TRMU: variants seen among roughly 807,000 people sequenced by gnomAD.
The protein encoded by TRMU is mitochondrial tRNA-specific 2-thiouridylase 1.
Under a neutral mutation model 46.9 loss-of-function variants are expected in TRMU, and 49 were observed. The ratio of observed to expected loss-of-function variants is 1.05; its 90% CI spans 0.83 to 1.33. The LOEUF (loss-of-function observed/expected upper bound fraction) is 1.33. Ranked by LOEUF, TRMU falls within the 40% of genes most tolerant of loss-of-function variation. TRMU has a pLI of 0.00. For missense variants in TRMU, 572 were observed against 532.4 expected (o/e 1.07, Z -0.73); for synonymous variants, 241 against 200.9 (o/e 1.20, Z -1.69).
At position 46,337,774 on chromosome 22, in the gene TRMU, CG is replaced by C. The variant is rs2078016723; in HGVS notation, c.83-4del. 6.2e-7 allele frequency: 1 copy of C among 1,614,064 alleles called. No homozygotes were observed. The highest frequency in any genetic ancestry group is 8.5e-7 in the Non-Finnish European group (1 of 1,180,040). ...ATTCTCTTTAATTGACCTTCCCGCC[CG>C]CAGGTTACCAGGTGACAGGGGTGTT... On this transcript the variant is annotated splice_polypyrimidine_tract_variant and splice_region_variant and intron_variant, in intron 1 of 10. Transcript: ENST00000645190.
intron 7 of TRMU, chr22:46,353,492 G>C (rs758658490): frequency 2.7e-5 from 11 of 400,690 alleles, no homozygotes; most frequent in African/African-American, 1.9e-4. Context: ...AGGGTCAGGG[G>C]CTCCTACAGC....
rs1432027724 is a variant in TRMU at position 46,351,271 on chromosome 22, A to G, written c.651+808A>G. Among the ~76,000 whole-genome samples the G allele has an allele frequency of 6.6e-6, 1 of 152,134 alleles. No individual in the cohort carries two copies. The highest frequency in any genetic ancestry group is 1.9e-4 in the East Asian group (1 of 5,182). ...TGGCCCCAGCTCCTCAGGAGGATCG[A>G]GCGCACCCAGGAGTTTGAGGACAGC... On this transcript the variant is annotated intron_variant, in intron 5 of 10. Coordinates refer to ENST00000645190, the MANE Select transcript of TRMU (RefSeq NM_018006.5). The surrounding 1 kb of genome is among the most constrained non-coding windows in gnomAD (Gnocchi z 6.4).
intron 8 of TRMU, chr22:46,355,113 G>C: frequency 2.2e-6 from 1 of 456,268 alleles, no homozygotes; most frequent in South Asian, 2.4e-5. Context: ...GGGCCGTGCT[G>C]CTGCCCCACA....
intron 9 of TRMU, 199 bp downstream of exon 9, chr22:46,355,787 C>A: frequency 9.4e-7 from 1 of 1,064,512 alleles, no homozygotes; most frequent in Non-Finnish European, 1.4e-6. Context: ...CAGATGCAGG[C>A]AGGCCCCGGC....
rs2077969964 is a variant in TRMU, at chr22:46,336,129, TGGGGTGGGGA to T, written c.82+287_82+296del. The T allele has an allele frequency of 7.6e-7, 1 of 1,314,158 alleles. No individual in the cohort carries two copies. The highest frequency in any genetic ancestry group is 1.6e-5 in the African/African-American group (1 of 63,634). The allele number at this position is 1,314,158 out of a possible 1,614,324, so 81.4% of individuals were successfully genotyped here. ...ACAGTGAGAAGCCGGCGGGCCGGGG[TGGGGTGGGGA>T]GGGAAGGGTTTCTCACGGATCTGCG... On this transcript the variant is annotated intron_variant, in intron 1 of 10. Transcript: ENST00000645190. This position sits in a 1 kb window ranked among gnomAD's most constrained non-coding sequence, Gnocchi z 4.1.
chr22:46,350,272 T>C lies in TRMU; in HGVS notation c.479-19T>C. 6.2e-7 allele frequency: 1 copy of C among 1,614,180 alleles called. No homozygotes were observed. The highest frequency in any genetic ancestry group is 8.5e-7 in the Non-Finnish European group (1 of 1,179,988). Reference sequence around the variant, plus strand: ...TTATTTTTATTCCTGCATCGTCTTTTGTTCTTTATTCTTGGCAGCGGTAAA... The same window carrying C: ...TTATTTTTATTCCTGCATCGTCTTTCGTTCTTTATTCTTGGCAGCGGTAAA... On this transcript the variant is annotated intron_variant, in intron 4 of 10. Coordinates refer to ENST00000645190, the MANE Select transcript of TRMU (RefSeq NM_018006.5). The surrounding 1 kb of genome is among the most constrained non-coding windows in gnomAD (Gnocchi z 4.6).
chr22:46,346,937 C>G (rs894175640), intron 4 of TRMU, among the ~76,000 whole-genome samples: 7 of 152,270 alleles, frequency 4.6e-5, no homozygotes, highest in African/African-American at 7.2e-5. Context: ...GCGGTTCAGG[C>G]AGACTTTCAA....
rs1345891882 is a variant in TRMU, at chr22:46,357,134, C to A, written c.*128C>A. On this transcript the variant is annotated 3_prime_UTR_variant, in exon 11 of 11. Coordinates refer to ENST00000645190, the MANE Select transcript of TRMU (RefSeq NM_018006.5). ...AGAGGAAGCCGGGCTGGCTGAGGGT[C>A]CGAAAAGCCTGCAGGGGCCCGGCGA... The A allele has an allele frequency of 5.2e-6, 7 of 1,356,178 alleles. No individual in the cohort carries two copies. Among genetic ancestry groups the A allele is most frequent in the Admixed American group, 2.0e-5 (1 of 51,078 alleles). 84.0% of individuals were successfully genotyped at this position (1,356,178 alleles called of 1,614,324 possible). A position where few individuals can be genotyped will look rare whatever the true frequency, so the allele number is the denominator to read the frequency against.
chr22:46,345,430 A>C (rs2078227349), intron 3 of TRMU, among the ~76,000 whole-genome samples: 2 of 152,202 alleles, frequency 1.3e-5, no homozygotes, highest in African/African-American at 4.8e-5. Context: ...GCACCTTGTT[A>C]GGCTCTTTGG....
rs113302712 is a variant in TRMU, at chr22:46,357,049, T to G, written c.*43T>G. On this transcript the variant is annotated 3_prime_UTR_variant, in exon 11 of 11. Coordinates refer to ENST00000645190, the MANE Select transcript of TRMU (RefSeq NM_018006.5). ...GAAGGAACCTGGAGAGCAGGACCCA[T>G]GGCTGGGCGGCTGGTGAGCAGTCCA... 0.012 allele frequency: 19,525 copies of G among 1,611,662 alleles called. 1,891 individuals carry two copies. In the African/African-American group the frequency reaches 0.22, roughly 18 times the overall value.
intron 1 of TRMU, among the ~76,000 whole-genome samples, chr22:46,337,167 T>C (rs2078000713): frequency 1.3e-5 from 2 of 152,210 alleles, no homozygotes; most frequent in Non-Finnish European, 2.9e-5. Context: ...TCATTTGCCC[T>C]GTCTTTCATT....
At position 46,357,028 on chromosome 22, in the gene TRMU, G is replaced by GAACCTGGAGAGCAGGACC. The variant is rs745886246; in HGVS notation, c.*23_*40dup. 1.1e-5 allele frequency: 18 copies of GAACCTGGAGAGCAGGACC among 1,613,222 alleles called. No individual in the cohort carries two copies. Among genetic ancestry groups the GAACCTGGAGAGCAGGACC allele is most frequent in the Admixed American group, 1.7e-5 (1 of 60,022 alleles). On this transcript the variant is annotated 3_prime_UTR_variant, in exon 11 of 11. Coordinates refer to ENST00000645190, the MANE Select transcript of TRMU (RefSeq NM_018006.5). ...CTGACAGAGATGGATCTGCTAGAAGGAACCTGGAGAGCAGGACCCATGGCT... is the reference window on the plus strand; with the variant it reads ...CTGACAGAGATGGATCTGCTAGAAGGAACCTGGAGAGCAGGACCAACCTGGAGAGCAGGACCCATGGCT...
intron 9 of TRMU, 181 bp downstream of exon 9, chr22:46,355,769 G>A: frequency 8.5e-7 from 1 of 1,175,704 alleles, no homozygotes; most frequent in Non-Finnish European, 1.2e-6. Flanking sequence ...GCCTGGGGGT[G>A]CTGGGAGCAG....
At chr22:46,355,788 A>G in intron 9 of TRMU, 200 bp downstream of exon 9, 1 of 1,069,002 alleles carries the variant, frequency 9.4e-7, no homozygotes, top group Middle Eastern at 2.8e-4. Context: ...AGATGCAGGC[A>G]GGCCCCGGCG....
chr22:46,352,417 G>A (rs2078459500), intron 7 of TRMU, 87 bp downstream of exon 7: 11 of 1,500,074 alleles, frequency 7.3e-6, no homozygotes, highest in Admixed American at 1.7e-5. Context: ...AGTTCCTGTC[G>A]TCCCTTCCAC....
rs751160288 is a variant in TRMU, at chr22:46,353,757, C to T, written c.773-10C>T. 3.7e-6 allele frequency: 6 copies of T among 1,612,912 alleles called. No homozygotes were observed. The highest frequency in any genetic ancestry group is 3.3e-5 in the Admixed American group (2 of 59,976). On this transcript the variant is annotated splice_polypyrimidine_tract_variant and intron_variant, in intron 7 of 10. Transcript: ENST00000645190. ...TTGCCCAGCCTCATGGAGAAACTGT[C>T]TTTCTGTAGGTTGGTTCCTGTATAC...
Position 46,336,278 on chromosome 22 carries a change from C to T in TRMU, c.82+432C>T, listed in dbSNP as rs550221211. 3 of 377,670 alleles carry T rather than the reference C, an allele frequency of 7.9e-6. No individual in the cohort carries two copies. The allele number at this position is 377,670 out of a possible 1,614,324, so 23.4% of individuals were successfully genotyped here. Reference sequence around the variant, plus strand: ...CCGCCCGGTGGGAGGTCCTTGTCCTCCCCACTCAGCAGACTGGACAACTGC... The same window carrying T: ...CCGCCCGGTGGGAGGTCCTTGTCCTTCCCACTCAGCAGACTGGACAACTGC... On this transcript the variant is annotated intron_variant, in intron 1 of 10. Coordinates refer to ENST00000645190, the MANE Select transcript of TRMU (RefSeq NM_018006.5). The surrounding 1 kb of genome is among the most constrained non-coding windows in gnomAD (Gnocchi z 4.1).
chr22:46,350,266 GTCTTTTGT>G lies in TRMU; in HGVS notation c.479-19_479-12del. 1 of 1,613,924 alleles carries G rather than the reference GTCTTTTGT, an allele frequency of 6.2e-7. No individual in the cohort carries two copies. Among genetic ancestry groups the G allele is most frequent in the Non-Finnish European group, 8.5e-7 (1 of 1,179,890 alleles). On this transcript the variant is annotated splice_polypyrimidine_tract_variant and intron_variant, in intron 4 of 10. Transcript: ENST00000645190. The surrounding 1 kb of genome is among the most constrained non-coding windows in gnomAD (Gnocchi z 4.6). ...GTATCATTATTTTTATTCCTGCATCGTCTTTTGTTCTTTATTCTTGGCAGCGGTAAAAC... is the reference window on the plus strand; with the variant it reads ...GTATCATTATTTTTATTCCTGCATCGTCTTTATTCTTGGCAGCGGTAAAAC...
Position 46,350,261 on chromosome 22 carries a change from G to T in TRMU, c.479-30G>T. The T allele has an allele frequency of 6.2e-7, 1 of 1,613,748 alleles. No individual in the cohort carries two copies. Among genetic ancestry groups the T allele is most frequent in the Middle Eastern group, 1.6e-4 (1 of 6,062 alleles). ...GTGAAGTATCATTATTTTTATTCCT[G>T]CATCGTCTTTTGTTCTTTATTCTTG... On this transcript the variant is annotated intron_variant, in intron 4 of 10. Transcript: ENST00000645190. The surrounding 1 kb of genome is among the most constrained non-coding windows in gnomAD (Gnocchi z 4.6).
Sources: gnomAD v4.1 joint callset for allele counts (sites outside exome capture counted in the v4.1 genomes callset) on GRCh38, gnomAD v4.1.1 for gene constraint, Gnocchi (gnomAD v3.1) non-coding constraint, MANE v1.5 for transcripts, NCBI Gene and HGNC (gene_info 2026-07-23, HGNC 2026-07-21) for gene names.